LSP1: variants seen among roughly 807,000 people sequenced by gnomAD.
LSP1 encodes lymphocyte specific protein 1.
In LSP1, 32 loss-of-function variants were observed where a neutral mutation model predicts 49.3. The observed-to-expected ratio is 0.65, with a 90% CI of 0.49 to 0.87. LSP1 has a LOEUF of 0.87. Ranked by LOEUF, LSP1 falls within the 40% of genes least tolerant of loss-of-function variation. The pLI is 0.00. For missense variants in LSP1, 428 were observed against 442.6 expected, an observed-to-expected ratio of 0.97 and a Z score of 0.30; for synonymous variants, 179 against 178.8, an observed-to-expected ratio of 1.00 and a Z score of -0.01.
intron 3 of LSP1, 106 bp from the exon 4 acceptor site, chr11:1,883,309 CCTGA>C (rs1193501191): frequency 9.4e-6 from 13 of 1,386,806 alleles, no homozygotes; most frequent in East Asian, 4.6e-5. Flanking sequence ...ACTCAAGTAG[CCTGA>C]CTACCTTCAT....
chr11:1,889,758 G>A (rs1449266137), intron 10 of LSP1: 8 of 653,286 alleles, frequency 1.2e-5, no homozygotes, highest in African/African-American at 7.3e-5. Context: ...GGACTCCAGC[G>A]AGCGGCAGGT....
intron 1 of LSP1, chr11:1,871,549 A>T: frequency 2.3e-6 from 2 of 881,574 alleles, no homozygotes; most frequent in Non-Finnish European, 2.7e-6. Context: ...GTTGGGGGAA[A>T]CCAGGCTCCA....
chr11:1,871,210 G>A (rs1359010158), intron 1 of LSP1: 34 of 986,396 alleles, frequency 3.4e-5, no homozygotes, highest in Non-Finnish European at 4.1e-5. Context: ...CAGGAGGAGG[G>A]GGGAAGAAAG....
chr11:1,872,893 G>T (rs975693591), intron 1 of LSP1, among the ~76,000 whole-genome samples: 1 of 152,094 alleles, frequency 6.6e-6, no homozygotes, highest in Non-Finnish European at 1.5e-5. Flanking sequence ...AGCACTGGGT[G>T]GGTCATGAAG....
intron 1 of LSP1, among the ~76,000 whole-genome samples, chr11:1,854,170 GA>G (rs1460802975): frequency 6.6e-6 from 1 of 152,132 alleles, no homozygotes; most frequent in East Asian, 1.9e-4. Context: ...CGGTGCTGGG[GA>G]TAGAGGCCGG....
intron 1 of LSP1, chr11:1,864,302 G>A: frequency 1.0e-6 from 1 of 962,902 alleles, no homozygotes; most frequent in South Asian, 4.7e-5. Flanking sequence ...AACAGAGGAG[G>A]GCCCGGGCAG....
At chr11:1,856,832 C>A (rs771006861) in intron 1 of LSP1, among the ~76,000 whole-genome samples, 1 of 152,374 alleles carries the variant, frequency 6.6e-6, no homozygotes, top group Admixed American at 6.5e-5. Flanking sequence ...CAATGCTCCA[C>A]GCTGGGGCAG....
At chr11:1,875,941 C>T (rs1308278202) in intron 1 of LSP1, among the ~76,000 whole-genome samples, 2 of 152,238 alleles carry the variant, frequency 1.3e-5, no homozygotes, top group Non-Finnish European at 2.9e-5. Flanking sequence ...TCGAGCCCCT[C>T]CCTGGACTGC....
intron 1 of LSP1, chr11:1,866,697 CA>C: frequency 1.3e-6 from 2 of 1,550,556 alleles, no homozygotes; most frequent in Non-Finnish European, 8.7e-7. Context: ...CGCTGCTGTC[CA>C]CCAGGAGCTC....
intron 1 of LSP1, among the ~76,000 whole-genome samples, chr11:1,878,353 A>G (rs1848397633): frequency 6.6e-6 from 1 of 152,242 alleles, no homozygotes; most frequent in African/African-American, 2.4e-5. Context: ...GGAGGCCGGC[A>G]GAAGCGGGAA....
rs1350286759 is a variant in LSP1, at chr11:1,874,123, A to AGCCCGG, written c.54-5964_54-5963insGCCCGG. 1.2e-4 allele frequency among the ~76,000 whole-genome samples: 14 copies of AGCCCGG among 118,500 alleles called. 4 individuals are homozygous for AGCCCGG. The highest frequency in any genetic ancestry group is 1.7e-4 in the African/African-American group (5 of 28,954). The allele number at this position is 118,500 out of a possible 152,430, so 77.7% of individuals were successfully genotyped here. A position where few individuals can be genotyped will look rare whatever the true frequency, so the allele number is the denominator to read the frequency against. On this transcript the variant is annotated intron_variant, in intron 1 of 10. Transcript: ENST00000311604. ...GGCCGGCAGAGGAGGGAGGCTGGGG[A>AGCCCGG]CAGTGGGGGCAGGCCGGGGACAGTG...
chr11:1,890,152 G>A, intron 10 of LSP1: 1 of 717,128 alleles, frequency 1.4e-6, no homozygotes, highest in Non-Finnish European at 2.6e-6. Context: ...GCCCTGAATT[G>A]AGCAGCTAGA....
At position 1,853,167 on chromosome 11, in the gene LSP1, C is replaced by A; in HGVS notation, c.23C>A (p.Pro8Gln). 1 of 1,611,544 alleles carries A rather than the reference C, an allele frequency of 6.2e-7. No individual in the cohort carries two copies. The highest frequency in any genetic ancestry group is 8.5e-7 in the Non-Finnish European group (1 of 1,179,376). Residue 8 changes from proline to glutamine, a missense_variant, in exon 1 of 11, where the codon CCG becomes CAG. Transcript: ENST00000311604. Reference sequence around the variant, plus strand: ...CTGATGGCGGAGGCTTCGAGTGACCCGGGTGCCGAGGAGCGGGAAGAGTTG... The same window carrying A: ...CTGATGGCGGAGGCTTCGAGTGACCAGGGTGCCGAGGAGCGGGAAGAGTTG... MAEASSD[P>Q]GAEEREELLG...
intron 1 of LSP1, among the ~76,000 whole-genome samples, chr11:1,873,185 G>C (rs1263094431): frequency 6.6e-6 from 1 of 151,892 alleles, no homozygotes; most frequent in African/African-American, 2.4e-5. Flanking sequence ...GGGGAGGGCT[G>C]TGCGGGTGGG....
At chr11:1,870,834 T>C in intron 1 of LSP1, 4 of 987,524 alleles carry the variant, frequency 4.1e-6, no homozygotes, top group Non-Finnish European at 4.8e-6. Context: ...ACTGGTTGCG[T>C]GTCCCAGAAC....
chr11:1,859,878 G>A (rs1847581906), intron 1 of LSP1, among the ~76,000 whole-genome samples: 1 of 152,120 alleles, frequency 6.6e-6, no homozygotes, highest in Non-Finnish European at 1.5e-5. Flanking sequence ...TTATCCACCA[G>A]GGATCACTCG....
intron 1 of LSP1, among the ~76,000 whole-genome samples, chr11:1,875,363 C>T (rs554371751): frequency 1.4e-4 from 22 of 152,280 alleles, no homozygotes; most frequent in Non-Finnish European, 2.8e-4. Context: ...TAACAGGAGG[C>T]GGGGGACCCA....
chr11:1,878,362 A>G (rs983203506), intron 1 of LSP1, among the ~76,000 whole-genome samples: 1 of 152,172 alleles, frequency 6.6e-6, no homozygotes, highest in African/African-American at 2.4e-5. Context: ...CAGAAGCGGG[A>G]AGCTGGGCCT....
chr11:1,873,295 G>A (rs556372779), intron 1 of LSP1, among the ~76,000 whole-genome samples: 20 of 152,196 alleles, frequency 1.3e-4, no homozygotes, highest in East Asian at 1.9e-4. Flanking sequence ...TGCCCACTGC[G>A]GCGACCCCGA....
Sources: allele counts gnomAD v4.1 joint callset (sites outside exome capture counted in the v4.1 genomes callset), GRCh38; gene constraint gnomAD v4.1.1; transcripts MANE v1.5; gene names NCBI Gene and HGNC (gene_info 2026-07-23, HGNC 2026-07-21).